SUPT3H: variants seen among roughly 807,000 people sequenced by gnomAD.
The protein encoded by SUPT3H is transcription initiation protein SPT3 homolog.
In SUPT3H, 44 loss-of-function variants were observed where a neutral mutation model predicts 44.3. The ratio of observed to expected loss-of-function variants is 0.99; its 90% CI spans 0.78 to 1.28. The LOEUF (loss-of-function observed/expected upper bound fraction) is 1.28. SUPT3H is among the 50% of genes most tolerant of loss of function. The pLI, the probability that SUPT3H is intolerant of heterozygous loss-of-function variation, is 0.00. For synonymous variants in SUPT3H, 124 were observed against 125.6 expected (o/e 0.99, Z 0.09); for missense variants, 380 against 387.1 (o/e 0.98, Z 0.15).
At chr6:45,280,716 A>G (rs1777874766) in intron 2 of SUPT3H, among the ~76,000 whole-genome samples, 1 of 152,240 alleles carries the variant, frequency 6.6e-6, no homozygotes, top group Admixed American at 6.5e-5. Context: ...ATAAGAGGAA[A>G]CCAACTACAG....
At chr6:45,099,800 A>C (rs993084190) in intron 3 of SUPT3H, among the ~76,000 whole-genome samples, 2 of 152,216 alleles carry the variant, frequency 1.3e-5, no homozygotes, top group Non-Finnish European at 2.9e-5. Flanking sequence ...GTAAATGGCA[A>C]TCTAAAAATG....
At chr6:45,052,922 T>C (rs1351294073) in intron 3 of SUPT3H, among the ~76,000 whole-genome samples, 2 of 151,616 alleles carry the variant, frequency 1.3e-5, no homozygotes, top group African/African-American at 4.9e-5. Context: ...ATGTGTGATA[T>C]GAGAGTGAAT....
chr6:44,894,331 T>C (rs182082983), intron 10 of SUPT3H, among the ~76,000 whole-genome samples: 135 of 152,250 alleles, frequency 8.9e-4, no homozygotes, highest in African/African-American at 3.1e-3. Flanking sequence ...GCCTAGGTTT[T>C]CTTCTAGGGT....
At chr6:45,182,276 T>C (rs758142411) in intron 2 of SUPT3H, among the ~76,000 whole-genome samples, 1 of 152,220 alleles carries the variant, frequency 6.6e-6, no homozygotes, top group African/African-American at 2.4e-5. Flanking sequence ...TTATTTATTT[T>C]AAGAGACAGA....
At chr6:45,021,702 G>T (rs1231370129) in intron 3 of SUPT3H, among the ~76,000 whole-genome samples, 1 of 151,952 alleles carries the variant, frequency 6.6e-6, no homozygotes, top group East Asian at 1.9e-4. Context: ...ACAAATATAT[G>T]AAATCAAATA....
At chr6:45,236,545 C>T (rs956592429) in intron 2 of SUPT3H, among the ~76,000 whole-genome samples, 1 of 152,012 alleles carries the variant, frequency 6.6e-6, no homozygotes, top group Non-Finnish European at 1.5e-5. Flanking sequence ...TCTGCACCCC[C>T]TCCTTATTTT....
intron 3 of SUPT3H, chr6:45,098,913 G>C: frequency 1.9e-6 from 1 of 528,704 alleles, no homozygotes; most frequent in South Asian, 1.4e-5. Context: ...ACATAAAATG[G>C]GGAAGATCCC....
intron 4 of SUPT3H, among the ~76,000 whole-genome samples, chr6:45,016,368 T>A (rs1784275312): frequency 6.6e-6 from 1 of 151,898 alleles, no homozygotes; most frequent in South Asian, 2.1e-4. Flanking sequence ...TACTATACTT[T>A]AAGTTTTAGG....
chr6:44,943,512 T>C (rs1183906473), intron 9 of SUPT3H, among the ~76,000 whole-genome samples: 7 of 152,162 alleles, frequency 4.6e-5, no homozygotes, highest in African/African-American at 1.4e-4. Context: ...ATACACTGTC[T>C]TTGATTCAAG....
At chr6:45,181,140 G>A (rs2153613235) in intron 2 of SUPT3H, among the ~76,000 whole-genome samples, 1 of 142,460 alleles carries the variant, frequency 7.0e-6, no homozygotes, top group Admixed American at 7.0e-5. Context: ...GGCCATCAGA[G>A]AAATGCAAAT....
intron 2 of SUPT3H, among the ~76,000 whole-genome samples, chr6:45,128,533 A>AAAAAT (rs1554257896): frequency 7.1e-4 from 37 of 52,150 alleles, no homozygotes; most frequent in Non-Finnish European, 1.0e-3. Flanking sequence ...AAAAAAAAAA[A>AAAAAT]ATATATATAT....
In SUPT3H at chr6:45,219,814, G is replaced by A. The variant is rs13340453; in HGVS notation, c.102-113808C>T. On this transcript the variant is annotated intron_variant, in intron 2 of 10. Coordinates refer to ENST00000371459, the MANE Select transcript of SUPT3H (RefSeq NM_003599.4). ...CCAGCACTTTGGGAGGCCGAGGTGG[G>A]TGGATCACGAGGTCAGGAGTTTGAG... 7.1e-3 allele frequency among the ~76,000 whole-genome samples: 1,082 copies of A among 152,046 alleles called. 8 individuals carry two copies. Among genetic ancestry groups the A allele is most frequent in the African/African-American group, 0.024 (1,000 of 41,464 alleles).
intron 6 of SUPT3H, among the ~76,000 whole-genome samples, chr6:44,979,475 C>T (rs996827685): frequency 2.6e-5 from 4 of 152,054 alleles, no homozygotes; most frequent in Non-Finnish European, 4.4e-5. Context: ...TGACAAAATA[C>T]TCTTTCAATA....
chr6:44,842,010 G>A (rs1771021280), intron 10 of SUPT3H, among the ~76,000 whole-genome samples: 1 of 152,186 alleles, frequency 6.6e-6, no homozygotes, highest in Admixed American at 6.5e-5. Flanking sequence ...AGGATGAGGT[G>A]ACAGAGAGAG....
At chr6:45,158,300 T>TATATATA (rs1562573429) in intron 2 of SUPT3H, among the ~76,000 whole-genome samples, 19 of 63,716 alleles carry the variant, frequency 3.0e-4, no homozygotes, top group African/African-American at 1.2e-3. Context: ...ATATATATAT[T>TATATATA]TTTTTTTTTT....
intron 10 of SUPT3H, among the ~76,000 whole-genome samples, chr6:44,913,660 AC>A (rs1767392259): frequency 6.6e-6 from 1 of 152,200 alleles, no homozygotes. Flanking sequence ...CTGCAACTCT[AC>A]AAAAGCATCC....
At chr6:45,047,849 G>A (rs1789642976) in intron 3 of SUPT3H, among the ~76,000 whole-genome samples, 1 of 151,520 alleles carries the variant, frequency 6.6e-6, no homozygotes, top group Admixed American at 6.6e-5. Flanking sequence ...GATTTGTGAT[G>A]TTCAGTAATT....
chr6:44,846,078 G>A (rs930199492), intron 10 of SUPT3H, among the ~76,000 whole-genome samples: 7 of 152,134 alleles, frequency 4.6e-5, no homozygotes, highest in South Asian at 2.1e-4. Context: ...CAGCCTGCCC[G>A]TCTTTATGCT....
chr6:44,914,552 C>A (rs1309523210), intron 10 of SUPT3H, among the ~76,000 whole-genome samples: 1 of 152,162 alleles, frequency 6.6e-6, no homozygotes, highest in African/African-American at 2.4e-5. Context: ...CAGTAATAAT[C>A]AAACAATCTT....
Sources: allele counts gnomAD v4.1 joint callset (sites outside exome capture counted in the v4.1 genomes callset), GRCh38; gene constraint gnomAD v4.1.1; transcripts MANE v1.5; gene names NCBI Gene and HGNC (gene_info 2026-07-23, HGNC 2026-07-21).